RBFOX1: variants seen among roughly 807,000 people sequenced by gnomAD.
The protein encoded by RBFOX1 is RNA binding fox-1 homolog 1.
RBFOX1 carries 8 observed loss-of-function variants against 57.7 expected under a neutral mutation model. The observed-to-expected ratio is 0.14, with a 90% CI of 0.08 to 0.25. The LOEUF (loss-of-function observed/expected upper bound fraction) is 0.25, where lower values mean the gene tolerates loss of function less well. RBFOX1 is among the 10% of genes least tolerant of loss of function. The probability of loss-of-function intolerance (pLI) is 1.00; values close to 1 mark genes in which losing one functional copy is unlikely to be tolerated. For synonymous variants in RBFOX1, 326 were observed against 222.4 expected, an observed-to-expected ratio of 1.47 and a Z score of -4.15; for missense variants, 611 against 548.5, an observed-to-expected ratio of 1.11 and a Z score of -1.14.
chr16:6,218,972 G>T (rs1355745411), intron 1 of RBFOX1, among the ~76,000 whole-genome samples: 1 of 152,142 alleles, frequency 6.6e-6, no homozygotes, highest in Non-Finnish European at 1.5e-5. Context: ...ATAATAGTCA[G>T]TAGCACGTAT....
At chr16:5,847,491 G>T (rs998255844) in intron 3 of RBFOX1, among the ~76,000 whole-genome samples, 2 of 152,138 alleles carry the variant, frequency 1.3e-5, no homozygotes, top group African/African-American at 2.4e-5. Context: ...CATTTGCAAA[G>T]AAAAACGAGG....
chr16:5,859,350 C>G (rs1012231373), intron 3 of RBFOX1, among the ~76,000 whole-genome samples: 3 of 152,206 alleles, frequency 2.0e-5, no homozygotes, highest in South Asian at 2.1e-4. Flanking sequence ...CCACAGCTAT[C>G]CATTCTCAAT....
intron 1 of RBFOX1, among the ~76,000 whole-genome samples, chr16:6,192,045 A>C (rs2097145140): frequency 6.6e-6 from 1 of 152,196 alleles, no homozygotes; most frequent in Admixed American, 6.5e-5. Context: ...TGTTACTTCT[A>C]GGCATAATTT....
chr16:6,732,701 C>G (rs1009042327), intron 3 of RBFOX1, among the ~76,000 whole-genome samples: 9 of 152,200 alleles, frequency 5.9e-5, no homozygotes, highest in Non-Finnish European at 1.3e-4. Flanking sequence ...TCCTCTGTTG[C>G]CTAAAGCACA....
chr16:7,040,928 TG>T (rs34355808), intron 3 of RBFOX1, among the ~76,000 whole-genome samples: 104,693 of 150,086 alleles, frequency 0.7, 37,577 homozygotes, highest in African/African-American at 0.86. Context: ...GTTTTTTTGC[TG>T]GGGGGGGAAG....
At chr16:6,902,313 A>C (rs2068689901) in intron 3 of RBFOX1, among the ~76,000 whole-genome samples, 2 of 152,118 alleles carry the variant, frequency 1.3e-5, no homozygotes, top group African/African-American at 2.4e-5. Context: ...AGCTACTCTT[A>C]CTTGATATGG....
chr16:5,577,185 A>G (rs2046485495), intron 2 of RBFOX1, among the ~76,000 whole-genome samples: 2 of 152,184 alleles, frequency 1.3e-5, no homozygotes, highest in South Asian at 4.1e-4. Context: ...AAATTAATAC[A>G]AACTGTTCTC....
intron 4 of RBFOX1, among the ~76,000 whole-genome samples, chr16:7,080,042 G>GTATATATATATACA (rs2058927139): frequency 7.0e-6 from 1 of 142,082 alleles, no homozygotes; most frequent in African/African-American, 2.7e-5. Context: ...GTATATAGAT[G>GTATATATATATACA]TATATATATA....
At chr16:6,295,023 C>G (rs957462530) in intron 1 of RBFOX1, among the ~76,000 whole-genome samples, 3 of 151,482 alleles carry the variant, frequency 2.0e-5, no homozygotes, top group Admixed American at 1.3e-4. Flanking sequence ...CGTGACCATG[C>G]TTTTTCCACT....
At chr16:6,372,181 T>C (rs1005326217) in intron 2 of RBFOX1, among the ~76,000 whole-genome samples, 2 of 151,700 alleles carry the variant, frequency 1.3e-5, no homozygotes, top group Admixed American at 6.6e-5. Context: ...AGAATGGAGA[T>C]TGGGTGGAAG....
chr16:7,062,929 G>A (rs1243019601), intron 4 of RBFOX1, among the ~76,000 whole-genome samples: 1 of 33,900 alleles, frequency 2.9e-5, no homozygotes, highest in Non-Finnish European at 6.2e-5. Flanking sequence ...TTTTTTTTTT[G>A]CTGAAGTTAG....
intron 1 of RBFOX1, among the ~76,000 whole-genome samples, chr16:5,435,994 G>C (rs1475476920): frequency 1.3e-5 from 2 of 152,198 alleles, no homozygotes; most frequent in Non-Finnish European, 2.9e-5. Context: ...CATAGCTCTA[G>C]CTTGCCCCTC....
chr16:6,478,411 ATATATATATATATATATATTTTTTTT>A (rs2095311381), intron 2 of RBFOX1, among the ~76,000 whole-genome samples: 1 of 29,458 alleles, frequency 3.4e-5, no homozygotes, highest in African/African-American at 2.5e-4. Flanking sequence ...ATATATATAT[ATATATATATATATATATATTTTTTTT>A]TTTTTTTTTT....
At chr16:6,931,366 C>T (rs1041799520) in intron 3 of RBFOX1, among the ~76,000 whole-genome samples, 12 of 148,890 alleles carry the variant, frequency 8.1e-5, no homozygotes, top group African/African-American at 2.8e-4. Context: ...CACACACATA[C>T]ATACACATAT....
At chr16:5,629,955 G>T (rs1016340141) in intron 3 of RBFOX1, among the ~76,000 whole-genome samples, 2 of 152,182 alleles carry the variant, frequency 1.3e-5, no homozygotes, top group South Asian at 4.1e-4. Context: ...TCTCACAGGA[G>T]AGCTCCGTGC....
intron 1 of RBFOX1, among the ~76,000 whole-genome samples, chr16:5,425,857 C>T (rs931863678): frequency 3.3e-5 from 5 of 152,180 alleles, no homozygotes; most frequent in African/African-American, 1.2e-4. Flanking sequence ...TAGAGGTAAG[C>T]TTTCTGCTCC....
chr16:6,538,132 A>G (rs1318885418), intron 2 of RBFOX1, among the ~76,000 whole-genome samples: 4 of 152,152 alleles, frequency 2.6e-5, no homozygotes, highest in African/African-American at 9.7e-5. Context: ...TAGATTCACA[A>G]TGCTGTGCAA....
At chr16:6,626,343 G>C (rs2098306660) in intron 2 of RBFOX1, among the ~76,000 whole-genome samples, 1 of 152,144 alleles carries the variant, frequency 6.6e-6, no homozygotes, top group African/African-American at 2.4e-5. Flanking sequence ...CCATGGTGTG[G>C]AGGAGTGGGT....
chr16:6,921,400 G>C (rs77987722), intron 3 of RBFOX1, among the ~76,000 whole-genome samples: 1 of 152,094 alleles, frequency 6.6e-6, no homozygotes, highest in Non-Finnish European at 1.5e-5. Flanking sequence ...AGATCACCCA[G>C]GTTGTTGGCA....
Sources: gnomAD v4.1 joint callset for allele counts (sites outside exome capture counted in the v4.1 genomes callset) on GRCh38, gnomAD v4.1.1 for gene constraint, MANE v1.5 for transcripts, NCBI Gene and HGNC (gene_info 2026-07-23, HGNC 2026-07-21) for gene names.